Variants in ZNF254 observed in about 807,000 individuals in gnomAD.
The protein encoded by ZNF254 is CTD-2017D11.1.
Under a neutral mutation model 12.4 loss-of-function variants are expected in ZNF254, and 10 were observed. That is an observed-to-expected ratio of 0.80 (90% confidence interval 0.50 to 1.36). The LOEUF is 1.36. ZNF254 is among the 40% of genes most tolerant of loss of function. ZNF254 has a pLI of 0.00. For synonymous variants in ZNF254, 305 were observed against 253.4 expected (o/e 1.20, Z -1.93); for missense variants, 996 against 763.9 (o/e 1.30, Z -3.58).
chr19:24,121,168 T>C (rs1974455333), intron 3 of ZNF254, among the ~76,000 whole-genome samples: 2 of 152,170 alleles, frequency 1.3e-5, no homozygotes, highest in Admixed American at 1.3e-4. Context: ...TTGGTTACAA[T>C]TTTTGTTTGT....
At chr19:24,054,624 T>A (rs1352439289) in intron 2 of ZNF254, among the ~76,000 whole-genome samples, 28 of 152,196 alleles carry the variant, frequency 1.8e-4, no homozygotes, top group Non-Finnish European at 1.5e-5. Context: ...GGAAAGAGCC[T>A]ATGGCTGAAG....
At chr19:24,070,361 C>T (rs1971438996) in intron 2 of ZNF254, among the ~76,000 whole-genome samples, 1 of 152,168 alleles carries the variant, frequency 6.6e-6, no homozygotes, top group Admixed American at 6.5e-5. Context: ...GTAAATATGT[C>T]ATCCTTTTAG....
At chr19:24,119,178 T>A (rs937876184) in intron 3 of ZNF254, among the ~76,000 whole-genome samples, 2 of 151,952 alleles carry the variant, frequency 1.3e-5, no homozygotes, top group African/African-American at 4.8e-5. Flanking sequence ...TTTAAGGAAA[T>A]AAACTTTATT....
At chr19:24,086,624 C>T (rs780063884), upstream of ZNF254, among the ~76,000 whole-genome samples, 35 of 152,020 alleles carry the variant, frequency 2.3e-4, no homozygotes, top group Non-Finnish European at 4.6e-4. Flanking sequence ...ATTACAGGCA[C>T]GTGCCACTAC....
chr19:24,092,549 T>G (rs1972456513), intron 1 of ZNF254, among the ~76,000 whole-genome samples: 1 of 152,022 alleles, frequency 6.6e-6, no homozygotes, highest in Non-Finnish European at 1.5e-5. Flanking sequence ...GTAATTTTTG[T>G]TTTTGTATTT....
At chr19:24,046,373 T>TTATATATA (rs34508258) in intron 2 of ZNF254, 126 of 95,470 alleles carry the variant, frequency 1.3e-3, no homozygotes, top group Middle Eastern at 5.5e-3. Context: ...TTATTATTTT[T>TTATATATA]TATATATATA....
At chr19:24,117,597 C>T (rs994452442) in intron 3 of ZNF254, among the ~76,000 whole-genome samples, 1 of 152,158 alleles carries the variant, frequency 6.6e-6, no homozygotes, top group Non-Finnish European at 1.5e-5. Context: ...TGCCGTCTGT[C>T]ACCCCTTTCT....
At chr19:24,055,427 T>C (rs1465342751) in intron 2 of ZNF254, among the ~76,000 whole-genome samples, 1 of 151,612 alleles carries the variant, frequency 6.6e-6, no homozygotes, top group Non-Finnish European at 1.5e-5. Flanking sequence ...TACAGGCACA[T>C]ACCACCATGC....
At chr19:24,059,398 A>G (rs925672505) in intron 2 of ZNF254, among the ~76,000 whole-genome samples, 2 of 152,214 alleles carry the variant, frequency 1.3e-5, no homozygotes, top group Non-Finnish European at 2.9e-5. Context: ...CCCTGCTTAC[A>G]GGTGTGATTG....
chr19:24,107,233 C>G, intron 3 of ZNF254: 1 of 652,668 alleles, frequency 1.5e-6, no homozygotes, highest in Non-Finnish European at 2.7e-6. Flanking sequence ...TTTTTCATTA[C>G]TGTGAAGAAA....
At chr19:24,068,542 C>T (rs751722442) in intron 2 of ZNF254, among the ~76,000 whole-genome samples, 26 of 152,278 alleles carry the variant, frequency 1.7e-4, no homozygotes, top group South Asian at 4.2e-4. Flanking sequence ...CTCAGGTGAT[C>T]CACTTGCCTT....
At chr19:24,113,917 C>T (rs1441841655) in intron 3 of ZNF254, among the ~76,000 whole-genome samples, 1 of 152,156 alleles carries the variant, frequency 6.6e-6, no homozygotes, top group Non-Finnish European at 1.5e-5. Context: ...TGAGTGAACT[C>T]CCATTCATAA....
At chr19:24,110,389 C>T (rs1430665775) in intron 3 of ZNF254, among the ~76,000 whole-genome samples, 1 of 151,682 alleles carries the variant, frequency 6.6e-6, no homozygotes, top group African/African-American at 2.4e-5. Flanking sequence ...ATGGAGACAC[C>T]CTCTCTACAA....
rs772852089 is a variant in ZNF254 at position 24,129,602 on chromosome 19, A to G, written c.*1622A>G. 6.6e-6 allele frequency: 1 copy of G among 151,992 alleles called. No homozygotes were observed. Among genetic ancestry groups the G allele is most frequent in the Non-Finnish European group, 1.5e-5 (1 of 67,904 alleles). The allele number at this position is 151,992 out of a possible 1,614,324, so 9.4% of individuals were successfully genotyped here. On this transcript the variant is annotated 3_prime_UTR_variant, in exon 4 of 4. Coordinates refer to ENST00000357002, the MANE Select transcript of ZNF254 (RefSeq NM_203282.4). ...GGATACATAATATGTGTATATATGT[A>G]TGCCATATATGGTATATTTTGATGC...
At chr19:24,082,906 C>A (rs923553811), upstream of ZNF254, among the ~76,000 whole-genome samples, 1 of 151,892 alleles carries the variant, frequency 6.6e-6, no homozygotes, top group Non-Finnish European at 1.5e-5. Flanking sequence ...AGAAATGGAA[C>A]AAGACAATAG....
At chr19:24,098,910 C>T (rs1379369240) in intron 1 of ZNF254, 2 of 150,014 alleles carry the variant, frequency 1.3e-5, no homozygotes, top group African/African-American at 4.9e-5. Flanking sequence ...TTAAACAATG[C>T]TCTCTTTACC....
chr19:24,065,110 A>G (rs1438440688), intron 2 of ZNF254, among the ~76,000 whole-genome samples: 1 of 152,128 alleles, frequency 6.6e-6, no homozygotes, highest in Non-Finnish European at 1.5e-5. Context: ...CTTCTGCCTG[A>G]GCCCCTCCCA....
chr19:24,102,158 T>C (rs1404798051), intron 1 of ZNF254, among the ~76,000 whole-genome samples: 2 of 152,092 alleles, frequency 1.3e-5, no homozygotes, highest in Non-Finnish European at 1.5e-5. Flanking sequence ...ATATGGGCTT[T>C]ATTTGGGCCA....
chr19:24,106,402 T>TAAATATTTAGG, intron 2 of ZNF254, 146 bp from the exon 3 acceptor site: 1 of 613,390 alleles, frequency 1.6e-6, no homozygotes, highest in Non-Finnish European at 2.4e-6. Flanking sequence ...AAATATTTCC[T>TAAATATTTAGG]AAATATTTAA....
Sources: allele counts gnomAD v4.1 joint callset (sites outside exome capture counted in the v4.1 genomes callset), GRCh38; gene constraint gnomAD v4.1.1; transcripts MANE v1.5; gene names NCBI Gene and HGNC (gene_info 2026-07-23, HGNC 2026-07-21).